The following ACSM2A variants were observed in gnomAD, a reference collection of about 807,000 sequenced individuals.
ACSM2A encodes the protein acyl-CoA synthetase medium chain family member 2A, also known as acyl-coenzyme A synthetase ACSM2A, mitochondrial.
Under a neutral mutation model 76.6 loss-of-function variants are expected in ACSM2A, and 72 were observed. The ratio of observed to expected loss-of-function variants is 0.94; its 90% CI spans 0.78 to 1.14. ACSM2A has a LOEUF of 1.14. Among genes scored for constraint, ACSM2A ranks in the 50% most tolerant of loss-of-function variants. ACSM2A has a pLI of 0.00. For missense variants in ACSM2A, 684 were observed against 708.5 expected (o/e 0.97, Z 0.39); for synonymous variants, 249 against 255.9 (o/e 0.97, Z 0.26).
chr16:20,471,792 C>T (rs1426290517), intron 6 of ACSM2A, 103 bp downstream of exon 6: 5 of 1,536,314 alleles, frequency 3.3e-6, no homozygotes, highest in Non-Finnish European at 4.4e-6. Flanking sequence ...TTTGCTAAAC[C>T]CCTGCCATGT....
In ACSM2A at chr16:20,469,806, T is replaced by C. The variant is rs545666038; in HGVS notation, c.596+87T>C. ...AGGTGCAGGTGCTTTATTGAGGAGG[T>C]GCAGAAAGAACAGCATGGGACTAGG... On this transcript the variant is annotated intron_variant, in intron 4 of 13. Coordinates refer to ENST00000573854, the MANE Select transcript of ACSM2A (RefSeq NM_001308172.2). 56 of 1,576,322 alleles carry C rather than the reference T, an allele frequency of 3.6e-5. No individual in the cohort carries two copies. In the African/African-American group the frequency reaches 7.0e-4, roughly 20 times the overall value.
intron 3 of ACSM2A, among the ~76,000 whole-genome samples, chr16:20,467,737 T>C (rs2013101097): frequency 6.6e-6 from 1 of 152,106 alleles, no homozygotes; most frequent in Non-Finnish European, 1.5e-5. Context: ...GCATGTTGAG[T>C]CCAGGATGTC....
chr16:20,483,904 A>C (rs1343512721), intron 13 of ACSM2A, among the ~76,000 whole-genome samples: 2 of 152,058 alleles, frequency 1.3e-5, no homozygotes, highest in Non-Finnish European at 2.9e-5. Context: ...GGATGTGGTC[A>C]GGTGTCTCTC....
At chr16:20,480,469 C>T in intron 10 of ACSM2A, 104 bp from the exon 11 acceptor site, 4 of 1,507,810 alleles carry the variant, frequency 2.7e-6, no homozygotes, top group Admixed American at 2.2e-5. Flanking sequence ...ATACACTGCA[C>T]ACCTGCAGTT....
chr16:20,485,679 T>C (rs927943063), intron 13 of ACSM2A, among the ~76,000 whole-genome samples: 11 of 152,252 alleles, frequency 7.2e-5, no homozygotes, highest in Non-Finnish European at 1.2e-4. Flanking sequence ...CTCCATTTCA[T>C]TGTGTTTTGA....
At chr16:20,484,341 G>A (rs2014277436) in intron 13 of ACSM2A, among the ~76,000 whole-genome samples, 2 of 116,552 alleles carry the variant, frequency 1.7e-5, no homozygotes, top group East Asian at 4.4e-4. Context: ...AGGTTGACAA[G>A]GCAGGAGAAC....
intron 1 of ACSM2A, among the ~76,000 whole-genome samples, chr16:20,459,726 G>C (rs553014186): frequency 6.6e-6 from 1 of 152,262 alleles, no homozygotes; most frequent in African/African-American, 2.4e-5. Context: ...TAAATGCACT[G>C]GGAAGTCACT....
chr16:20,458,929 T>TATATATATATAC, intron 1 of ACSM2A, among the ~76,000 whole-genome samples: 1 of 58,610 alleles, frequency 1.7e-5, no homozygotes, highest in East Asian at 2.9e-3. Flanking sequence ...TATATATATA[T>TATATATATATAC]ATACATATAT....
At chr16:20,467,551 C>T (rs1457133549) in intron 3 of ACSM2A, among the ~76,000 whole-genome samples, 1 of 152,060 alleles carries the variant, frequency 6.6e-6, no homozygotes, top group African/African-American at 2.4e-5. Context: ...GTGGATTTAA[C>T]AGGCAATTGG....
Position 20,480,629 on chromosome 16 carries a change from C to T in ACSM2A, c.1338C>T (p.Asp446=). 6.2e-7 allele frequency: 1 copy of T among 1,613,330 alleles called. No individual in the cohort carries two copies. Among genetic ancestry groups the T allele is most frequent in the South Asian group, 1.1e-5 (1 of 91,020 alleles). Residue 446 remains aspartate, a synonymous_variant, in exon 11 of 14, where the codon GAC becomes GAT. Transcript: ENST00000573854. ...GAGGAGACTTTTGGCTCCTTGGAGA[C>T]CGGGGAATCAAAGATGAAGATGGGT... ...NIRGDFWLLG[D]RGIKDEDGYF...
At chr16:20,453,240 C>G (rs975559219) in intron 1 of ACSM2A, 131 of 152,080 alleles carry the variant, frequency 8.6e-4, no homozygotes, top group African/African-American at 3.1e-3. Context: ...GATTGTTTTG[C>G]AGGAAGTCAG....
At chr16:20,474,231 G>A (rs2013589999) in intron 6 of ACSM2A, 5 of 260,934 alleles carry the variant, frequency 1.9e-5, no homozygotes, top group Non-Finnish European at 3.8e-5. Flanking sequence ...GTTTTACAGA[G>A]TTTGGCTCCT....
At chr16:20,472,944 A>C (rs1321621794) in intron 6 of ACSM2A, among the ~76,000 whole-genome samples, 2 of 152,170 alleles carry the variant, frequency 1.3e-5, no homozygotes, top group African/African-American at 4.8e-5. Context: ...CAGAAGAATA[A>C]ATGGAATTTT....
At chr16:20,458,919 T>TAC (rs908701927) in intron 1 of ACSM2A, among the ~76,000 whole-genome samples, 2 of 70,278 alleles carry the variant, frequency 2.8e-5, no homozygotes, top group African/African-American at 7.1e-5. Flanking sequence ...TATATATATA[T>TAC]ATATATATAT....
intron 6 of ACSM2A, among the ~76,000 whole-genome samples, chr16:20,472,563 C>A (rs1465065279): frequency 1.3e-5 from 2 of 152,054 alleles, no homozygotes; most frequent in South Asian, 2.1e-4. Flanking sequence ...ATATCAGACA[C>A]CCCTGTAAAC....
intron 1 of ACSM2A, among the ~76,000 whole-genome samples, chr16:20,459,223 T>C (rs1211667278): frequency 1.3e-5 from 2 of 151,988 alleles, no homozygotes; most frequent in East Asian, 3.9e-4. Flanking sequence ...AAGTGTATAC[T>C]CCTCGGGTGA....
chr16:20,476,532 C>T, intron 8 of ACSM2A: 1 of 985,364 alleles, frequency 1.0e-6, no homozygotes, highest in Middle Eastern at 5.2e-4. Context: ...TGAATAAGGA[C>T]AATGGAGTTG....
chr16:20,471,810 A>G, intron 6 of ACSM2A, 121 bp downstream of exon 6: 1 of 1,495,508 alleles, frequency 6.7e-7, no homozygotes, highest in Non-Finnish European at 9.0e-7. Flanking sequence ...TGTGGTGAAC[A>G]GTGTTCAGTA....
At chr16:20,455,002 A>C (rs1040588361) in intron 1 of ACSM2A, among the ~76,000 whole-genome samples, 2 of 151,138 alleles carry the variant, frequency 1.3e-5, no homozygotes, top group Non-Finnish European at 2.9e-5. Context: ...AGAGAAAAAC[A>C]CACTGAAAAG....
Sources: allele counts gnomAD v4.1 joint callset (sites outside exome capture counted in the v4.1 genomes callset), GRCh38; gene constraint gnomAD v4.1.1; transcripts MANE v1.5; gene names NCBI Gene and HGNC (gene_info 2026-07-23, HGNC 2026-07-21).